The following NUP107 variants were observed in gnomAD, a reference collection of about 807,000 sequenced individuals.
NUP107 encodes nuclear pore complex protein Nup107.
NUP107 carries 101 observed loss-of-function variants against 141.0 expected under a neutral mutation model. The ratio of observed to expected loss-of-function variants is 0.72; its 90% confidence interval spans 0.61 to 0.84. NUP107 has a LOEUF of 0.84. NUP107 is among the 40% of genes least tolerant of loss of function. The pLI is 0.00. For synonymous variants in NUP107, 319 were observed against 363.9 expected, an observed-to-expected ratio of 0.88 and a Z score of 1.41; for missense variants, 941 against 1,102.7, an observed-to-expected ratio of 0.85 and a Z score of 2.08.
chr12:68,726,373 A>T (rs1399002168), intron 18 of NUP107, 126 bp from the exon 19 acceptor site: 4 of 639,154 alleles, frequency 6.3e-6, no homozygotes, highest in Admixed American at 2.8e-5. Flanking sequence ...GAGTTATATC[A>T]TGGCTATTAA....
chr12:68,714,883 A>G (rs1877032521), intron 11 of NUP107, among the ~76,000 whole-genome samples: 1 of 152,210 alleles, frequency 6.6e-6, no homozygotes, highest in African/African-American at 2.4e-5. Flanking sequence ...CCCTCTTCCC[A>G]TATGTTCTCA....
chr12:68,707,173 C>A, intron 8 of NUP107: 1 of 491,818 alleles, frequency 2.0e-6, no homozygotes, highest in Non-Finnish European at 3.6e-6. Flanking sequence ...TGAGGCTCAG[C>A]CCTAGCCCTC....
intron 8 of NUP107, among the ~76,000 whole-genome samples, chr12:68,703,698 CT>C (rs543215641): frequency 2.3e-4 from 35 of 152,148 alleles, no homozygotes; most frequent in Non-Finnish European, 3.5e-4. Context: ...ATCCGCCCAC[CT>C]CAGCCTCCCA....
chr12:68,741,994 C>G lies in NUP107; in HGVS notation c.2670+14C>G, dbSNP rs1301710516. On this transcript the variant is annotated intron_variant, in intron 27 of 27. Transcript: ENST00000229179. ...AAACTGTACCTGGTAAGTTCTAGAG[C>G]CTTGTAGTTTTAAATTTTAATGATT... The G allele has an allele frequency of 6.4e-6, 10 of 1,551,068 alleles. No homozygotes were observed. Among genetic ancestry groups the G allele is most frequent in the Non-Finnish European group, 8.7e-6 (10 of 1,147,984 alleles).
chr12:68,727,450 G>C (rs913132237), intron 20 of NUP107, 61 bp downstream of exon 20: 12 of 903,780 alleles, frequency 1.3e-5, no homozygotes, highest in African/African-American at 5.0e-5. Context: ...ACAAAACTCA[G>C]AATGATGCTA....
Position 68,696,910 on chromosome 12 carries a change from C to T in NUP107, c.540C>T (p.Ile180=). ...ATCTTGTGGAAGAGTATGAAAACAT[C>T]TGTGGTAGTCAGGTAAGCTAATTTC... ...VFDLVEEYEN[I]CGSQVNILSK... is the part of the protein sequence containing the mutation. The change falls in exon 6 of 28, where the codon ATC becomes ATT. Residue 180 remains isoleucine (I), a synonymous_variant. Transcript: ENST00000229179. 2 of 1,592,026 alleles carry T rather than the reference C, an allele frequency of 1.3e-6. No homozygotes were observed. The highest frequency in any genetic ancestry group is 2.2e-5 in the East Asian group (1 of 44,492).
At chr12:68,722,241 C>G (rs1187003527) in intron 17 of NUP107, 89 bp downstream of exon 17, 4 of 1,041,452 alleles carry the variant, frequency 3.8e-6, no homozygotes. Flanking sequence ...AAAGGTGGAA[C>G]TTTCTCCCTT....
chr12:68,730,917 A>G (rs1877794619), intron 20 of NUP107, among the ~76,000 whole-genome samples, 193 bp from the exon 21 acceptor site: 1 of 152,216 alleles, frequency 6.6e-6, no homozygotes, highest in South Asian at 2.1e-4. Flanking sequence ...GCAGTGAGCC[A>G]TGATCATGCC....
In NUP107 at chr12:68,743,862, C is replaced by G. The variant is rs1239436184; in HGVS notation, c.*1400C>G. On this transcript the variant is annotated 3_prime_UTR_variant, in exon 28 of 28. Transcript: ENST00000229179. ...AGAATTCATCTTGTCTTCCTGTTTT[C>G]TTTATTCTTACTAATATGCAAATGA... 6.6e-6 allele frequency: 1 copy of G among 152,064 alleles called. No homozygotes were observed. The highest frequency in any genetic ancestry group is 1.5e-5 in the Non-Finnish European group (1 of 68,024). The allele number at this position is 152,064 out of a possible 1,614,324, so 9.4% of individuals were successfully genotyped here.
At chr12:68,723,669 A>G (rs1877443753) in intron 17 of NUP107, among the ~76,000 whole-genome samples, 1 of 152,220 alleles carries the variant, frequency 6.6e-6, no homozygotes, top group Non-Finnish European at 1.5e-5. Flanking sequence ...TACTTCCACA[A>G]GTAATTTATT....
chr12:68,705,842 A>G (rs1179089001), intron 8 of NUP107: 3 of 775,320 alleles, frequency 3.9e-6, no homozygotes, highest in Non-Finnish European at 7.2e-6. Flanking sequence ...ACGGTCAACC[A>G]GAGCCTGCTG....
At chr12:68,726,644 TCTC>T in intron 19 of NUP107, 27 bp downstream of exon 19, 1 of 1,370,802 alleles carries the variant, frequency 7.3e-7, no homozygotes, top group Non-Finnish European at 1.0e-6. Context: ...GATTTCTTCT[TCTC>T]TGTAATGTTG....
chr12:68,691,154 T>C (rs1419304366), intron 4 of NUP107, among the ~76,000 whole-genome samples: 4 of 152,210 alleles, frequency 2.6e-5, no homozygotes, highest in Non-Finnish European at 1.5e-5. Flanking sequence ...CTTTAGGTTA[T>C]ATGGATTGAA....
intron 10 of NUP107, among the ~76,000 whole-genome samples, chr12:68,710,646 C>A (rs1450572118): frequency 3.5e-5 from 3 of 85,422 alleles, no homozygotes; most frequent in South Asian, 4.9e-4. Flanking sequence ...CAGAGCAGGC[C>A]GTCTTAAAAA....
intron 8 of NUP107, chr12:68,707,086 C>A: frequency 1.8e-6 from 1 of 568,760 alleles, no homozygotes; most frequent in South Asian, 2.1e-5. Context: ...CCGTGACAGC[C>A]CCTTCTAGCC....
Position 68,722,176 on chromosome 12 carries a change from A to G in NUP107, c.1506+24A>G, listed in dbSNP as rs1166500731. ...AGGTAAATGTTAATAGGAATATGTTAGGTATCTGGAATAGGAAACAGTGTT... is the reference window on the plus strand; with the variant it reads ...AGGTAAATGTTAATAGGAATATGTTGGGTATCTGGAATAGGAAACAGTGTT... On this transcript the variant is annotated intron_variant, in intron 17 of 27. Coordinates refer to ENST00000229179, the MANE Select transcript of NUP107 (RefSeq NM_020401.4). 1.9e-6 allele frequency: 3 copies of G among 1,598,832 alleles called. No individual in the cohort carries two copies. In the African/African-American group the frequency reaches 4.0e-5, roughly 21 times the overall value.
In NUP107 at chr12:68,742,579, G is replaced by T. The variant is rs1301435245; in HGVS notation, c.*117G>T. On this transcript the variant is annotated 3_prime_UTR_variant, in exon 28 of 28. Coordinates refer to ENST00000229179, the MANE Select transcript of NUP107 (RefSeq NM_020401.4). The stretch of plus-strand genomic sequence containing the variant: ...TGTAAAATTTAGACATTTGAATTTT[G>T]TACTTTTCAGAATATTATCGTGACA... 7.7e-6 allele frequency: 4 copies of T among 517,250 alleles called. No individual in the cohort carries two copies. The highest frequency in any genetic ancestry group is 1.4e-5 in the Non-Finnish European group (4 of 292,912). The allele number at this position is 517,250 out of a possible 1,614,324, so 32.0% of individuals were successfully genotyped here.
At chr12:68,700,678 T>G (rs1876285311) in intron 6 of NUP107, 48 bp from the exon 7 acceptor site, 1 of 1,399,968 alleles carries the variant, frequency 7.1e-7, no homozygotes, top group Non-Finnish European at 9.6e-7. Context: ...TATCAGTGAC[T>G]CAAAATTGTA....
At position 68,731,218 on chromosome 12, in the gene NUP107, T is replaced by G; in HGVS notation, c.1843T>G (p.Phe615Val). Residue 615 changes from phenylalanine (F) to valine (V), a missense_variant, in exon 21 of 28, where the codon TTT (phenylalanine) becomes GTT (valine). Coordinates refer to ENST00000229179, the MANE Select transcript of NUP107 (RefSeq NM_020401.4). ...ATTATTTTTGGAAAGTGTTACAGAATTTGAACAGCGCCACCATTGCCTGGA... is the reference window on the plus strand; with the variant it reads ...ATTATTTTTGGAAAGTGTTACAGAAGTTGAACAGCGCCACCATTGCCTGGA... ...YALFLESVTEFEQRHHCLELA... is the reference protein window; with the variant it reads ...YALFLESVTEVEQRHHCLELA... 1 of 1,612,022 alleles carries G rather than the reference T, an allele frequency of 6.2e-7. No individual in the cohort carries two copies. The highest frequency in any genetic ancestry group is 8.5e-7 in the Non-Finnish European group (1 of 1,179,118).
Sources: allele counts gnomAD v4.1 joint callset (sites outside exome capture counted in the v4.1 genomes callset), GRCh38; gene constraint gnomAD v4.1.1; transcripts MANE v1.5; gene names NCBI Gene and HGNC (gene_info 2026-07-23, HGNC 2026-07-21).